ITSN1: variants seen among roughly 807,000 people sequenced by gnomAD.
The protein encoded by ITSN1 is intersectin-1.
In ITSN1, 58 loss-of-function variants were observed where a neutral mutation model predicts 239.8. The ratio of observed to expected loss-of-function variants is 0.24; its 90% CI spans 0.20 to 0.30. ITSN1 has a LOEUF of 0.30. Ranked by LOEUF, ITSN1 falls within the 10% of genes least tolerant of loss-of-function variation. The pLI is 1.00. For missense variants in ITSN1, 1,558 were observed against 2,103.3 expected (o/e 0.74, Z 5.07); for synonymous variants, 780 against 770.8 (o/e 1.01, Z -0.20).
chr21:33,756,287 CAAAAAAA>C (rs923721086), intron 8 of ITSN1, among the ~76,000 whole-genome samples: 10 of 56,816 alleles, frequency 1.8e-4, no homozygotes, highest in Non-Finnish European at 3.0e-4. Flanking sequence ...GACTCCGTCT[CAAAAAAA>C]AAAAAAAAAA....
At chr21:33,723,963 A>G (rs945270641) in intron 4 of ITSN1, among the ~76,000 whole-genome samples, 1 of 152,246 alleles carries the variant, frequency 6.6e-6, no homozygotes, top group Admixed American at 6.5e-5. Flanking sequence ...ATAAAGGTTG[A>G]TACAGCTTTT....
intron 39 of ITSN1, among the ~76,000 whole-genome samples, 180 bp downstream of exon 39, chr21:33,886,640 A>C (rs896013525): frequency 4.6e-5 from 7 of 152,198 alleles, no homozygotes; most frequent in Admixed American, 1.3e-4. Flanking sequence ...GAGGCGTCTC[A>C]TTGCATGTGG....
intron 1 of ITSN1, among the ~76,000 whole-genome samples, chr21:33,664,676 G>A (rs2089807118): frequency 6.6e-6 from 1 of 152,206 alleles, no homozygotes; most frequent in South Asian, 2.1e-4. Context: ...TGTCTCATAA[G>A]ATTGTTGTGA....
intron 1 of ITSN1, among the ~76,000 whole-genome samples, chr21:33,683,170 T>G (rs1250223721): frequency 6.6e-6 from 1 of 151,310 alleles, no homozygotes; most frequent in Non-Finnish European, 1.5e-5. Context: ...AATCAGCTCC[T>G]GGGGAATCAG....
At chr21:33,710,812 T>G (rs899924472) in intron 1 of ITSN1, among the ~76,000 whole-genome samples, 6 of 151,044 alleles carry the variant, frequency 4.0e-5, no homozygotes, top group South Asian at 2.1e-4. Context: ...TTTGTTTTTT[T>G]TTTTTTTCTT....
intron 34 of ITSN1, among the ~76,000 whole-genome samples, chr21:33,878,008 T>TTGTGTGTGTGTGTGTGTGTG (rs71194867): frequency 7.1e-6 from 1 of 140,230 alleles, no homozygotes; most frequent in African/African-American, 2.7e-5. Flanking sequence ...CTCTCTCTCT[T>TTGTGTGTGTGTGTGTGTGTG]TGTGTGTGTG....
chr21:33,836,305 A>G, intron 28 of ITSN1, 136 bp from the exon 29 acceptor site: 1 of 544,038 alleles, frequency 1.8e-6, no homozygotes, highest in African/African-American at 1.9e-5. Flanking sequence ...AAAAAGCCCA[A>G]CAGAACAGTT....
intron 9 of ITSN1, among the ~76,000 whole-genome samples, chr21:33,765,267 A>C (rs903852275): frequency 6.6e-6 from 1 of 152,224 alleles, no homozygotes; most frequent in African/African-American, 2.4e-5. Context: ...AATCCCAGCG[A>C]TTTGATAGGC....
intron 1 of ITSN1, among the ~76,000 whole-genome samples, chr21:33,696,459 A>C (rs186076047): frequency 6.6e-6 from 1 of 152,362 alleles, no homozygotes; most frequent in Non-Finnish European, 1.5e-5. Context: ...TGAAGATGTC[A>C]TACATGTGAA....
intron 1 of ITSN1, among the ~76,000 whole-genome samples, chr21:33,657,577 A>G (rs760060078): frequency 6.6e-5 from 10 of 152,074 alleles, no homozygotes; most frequent in East Asian, 1.9e-4. Context: ...CTAACCCTGC[A>G]TCGTGTAATG....
At chr21:33,790,651 ATTTG>A (rs1363534955) in intron 16 of ITSN1, among the ~76,000 whole-genome samples, 3 of 152,286 alleles carry the variant, frequency 2.0e-5, no homozygotes, top group African/African-American at 2.4e-5. Context: ...ATTCGTGGTA[ATTTG>A]TTTGTTTTCT....
At position 33,709,200 on chromosome 21, in the gene ITSN1, A is replaced by G. The variant is rs78479846; in HGVS notation, c.-32-9597A>G. On this transcript the variant is annotated intron_variant, in intron 1 of 39. Coordinates refer to ENST00000381318, the MANE Select transcript of ITSN1 (RefSeq NM_003024.3). ...GATTGGGATTGCATTGAATATACAA[A>G]CCCTTTGGAAAGAATGGCATTTTCA... is the stretch of plus-strand genomic sequence containing the variant. Among the ~76,000 whole-genome samples, 286 of 152,258 alleles carry G rather than the reference A, an allele frequency of 1.9e-3. 7 individuals carry two copies. In the East Asian group the frequency reaches 0.051, roughly 27 times the overall value.
chr21:33,793,349 A>G (rs1602267125), intron 16 of ITSN1, among the ~76,000 whole-genome samples: 1 of 152,202 alleles, frequency 6.6e-6, no homozygotes, highest in South Asian at 2.1e-4. Flanking sequence ...TCCCTGGGCC[A>G]TGTACTGGGA....
intron 6 of ITSN1, 39 bp from the exon 7 acceptor site, chr21:33,751,771 C>T (rs2067571755): frequency 6.8e-7 from 1 of 1,462,296 alleles, no homozygotes; most frequent in Non-Finnish European, 9.5e-7. Flanking sequence ...AGTTTCTTAT[C>T]TTTGTAGAAT....
intron 22 of ITSN1, 26 bp from the exon 23 acceptor site, chr21:33,818,241 A>G: frequency 6.3e-7 from 1 of 1,591,244 alleles, no homozygotes; most frequent in Non-Finnish European, 8.6e-7. Context: ...ACATAACGAG[A>G]GGTCCTTTAT....
intron 31 of ITSN1, among the ~76,000 whole-genome samples, chr21:33,861,209 T>G (rs1037004980): frequency 6.6e-6 from 1 of 152,170 alleles, no homozygotes; most frequent in Non-Finnish European, 1.5e-5. Context: ...TTGTGCTGTA[T>G]TTGGGTGGCT....
chr21:33,837,905 C>G, intron 29 of ITSN1: 1 of 985,820 alleles, frequency 1.0e-6, no homozygotes, highest in Non-Finnish European at 1.2e-6. Flanking sequence ...TCAACGATAT[C>G]CACAGTCTCT....
At chr21:33,827,324 C>G (rs1159820414) in intron 26 of ITSN1, among the ~76,000 whole-genome samples, 1 of 152,186 alleles carries the variant, frequency 6.6e-6, no homozygotes, top group East Asian at 1.9e-4. Context: ...CACTTGAACC[C>G]GGGAGGCCAA....
chr21:33,658,207 C>G (rs1200170461), intron 1 of ITSN1, among the ~76,000 whole-genome samples: 1 of 152,056 alleles, frequency 6.6e-6, no homozygotes, highest in Non-Finnish European at 1.5e-5. Context: ...GGAAGTGGGT[C>G]ATCATAACAT....
Sources: allele counts gnomAD v4.1 joint callset (sites outside exome capture counted in the v4.1 genomes callset), GRCh38; gene constraint gnomAD v4.1.1; transcripts MANE v1.5; gene names NCBI Gene and HGNC (gene_info 2026-07-23, HGNC 2026-07-21).